Variants in ZFYVE16 observed in about 807,000 individuals in gnomAD.
The protein encoded by ZFYVE16 is zinc finger FYVE-type containing 16, also known as zinc finger FYVE domain-containing protein 16.
A neutral mutation model predicts 138.1 loss-of-function variants in ZFYVE16; 89 were observed. That is an observed-to-expected ratio of 0.64 (90% CI 0.54 to 0.77). The LOEUF is 0.77. Among genes scored for constraint, ZFYVE16 ranks in the 30% least tolerant of loss-of-function variants. The probability of loss-of-function intolerance (pLI) is 0.00; values close to 1 mark genes in which losing one functional copy is unlikely to be tolerated. For synonymous variants in ZFYVE16, 596 were observed against 618.3 expected (o/e 0.96, Z 0.53); for missense variants, 1,793 against 1,786.7 (o/e 1.00, Z -0.06).
chr5:80,407,640 G>A (rs1442418932), upstream of ZFYVE16, among the ~76,000 whole-genome samples: 2 of 152,248 alleles, frequency 1.3e-5, no homozygotes, highest in African/African-American at 4.8e-5. Flanking sequence ...AGCGCGGAGA[G>A]CAGGCCTAGC....
At chr5:80,429,458 C>T (rs1352794635) in intron 2 of ZFYVE16, among the ~76,000 whole-genome samples, 1 of 152,182 alleles carries the variant, frequency 6.6e-6, no homozygotes, top group Non-Finnish European at 1.5e-5. Flanking sequence ...GAGCACTAAA[C>T]ATGGAAAGGA....
chr5:80,436,226 G>A (rs918278654), intron 3 of ZFYVE16, among the ~76,000 whole-genome samples: 1 of 152,228 alleles, frequency 6.6e-6, no homozygotes, highest in African/African-American at 2.4e-5. Context: ...CGTGGCCATA[G>A]CGTGTGATGC....
intron 1 of ZFYVE16, among the ~76,000 whole-genome samples, chr5:80,409,098 T>G (rs772767683): frequency 6.6e-6 from 1 of 152,216 alleles, no homozygotes; most frequent in Non-Finnish European, 1.5e-5. Flanking sequence ...GTAATAGTAA[T>G]CAATTACTTA....
chr5:80,475,646 A>T (rs1270195862), intron 18 of ZFYVE16, among the ~76,000 whole-genome samples: 2 of 152,138 alleles, frequency 1.3e-5, no homozygotes, highest in African/African-American at 4.8e-5. Context: ...TGCTTCTTTA[A>T]TATATCTTAA....
rs1048049221 is a variant in ZFYVE16, at chr5:80,477,724, C to T, written c.*347C>T. ...ATGCCAATAATGATTTTAATGAAGG[C>T]TCTTTTCAGATGTAACCTTATGAAG... On this transcript the variant is annotated 3_prime_UTR_variant, in exon 19 of 19. Transcript: ENST00000505560. 1 of 162,552 alleles carries T rather than the reference C, an allele frequency of 6.2e-6. No individual in the cohort carries two copies. The highest frequency in any genetic ancestry group is 1.3e-5 in the Non-Finnish European group (1 of 75,404). The allele number at this position is 162,552 out of a possible 1,614,324, so 10.1% of individuals were successfully genotyped here. A position where few individuals can be genotyped will look rare whatever the true frequency, so the allele number is the denominator to read the frequency against.
chr5:80,434,765 TG>T (rs1431270245), intron 3 of ZFYVE16, among the ~76,000 whole-genome samples: 4 of 152,176 alleles, frequency 2.6e-5, no homozygotes, highest in African/African-American at 9.7e-5. Flanking sequence ...GTCATGTACT[TG>T]GCCCCAGAAA....
chr5:80,456,425 G>A, intron 12 of ZFYVE16, 36 bp from the exon 13 acceptor site: 1 of 1,445,414 alleles, frequency 6.9e-7, no homozygotes, highest in Non-Finnish European at 9.7e-7. Flanking sequence ...AATACTCATG[G>A]TTAGTAGTTT....
intron 1 of ZFYVE16, among the ~76,000 whole-genome samples, chr5:80,418,458 A>T (rs1232964740): frequency 6.6e-6 from 1 of 151,772 alleles, no homozygotes; most frequent in Non-Finnish European, 1.5e-5. Context: ...AACTATAGGT[A>T]TGCACCCCCA....
At chr5:80,409,184 A>T (rs988718702) in intron 1 of ZFYVE16, among the ~76,000 whole-genome samples, 4 of 151,926 alleles carry the variant, frequency 2.6e-5, no homozygotes, top group Non-Finnish European at 4.4e-5. Flanking sequence ...ATATCGTTGG[A>T]TTGTCTGCTT....
In ZFYVE16 at chr5:80,437,379, A is replaced by G. The variant is rs1750081749; in HGVS notation, c.694A>G (p.Ile232Val). The G allele has an allele frequency of 6.2e-7, 1 of 1,604,592 alleles. No homozygotes were observed. Among genetic ancestry groups the G allele is most frequent in the South Asian group, 1.1e-5 (1 of 89,920 alleles). ...SGTENLKDKK[I>V]FNQLESIVDF... ...AACAGAAAATTTAAAAGATAAAAAG[A>G]TCTTTAATCAGTTAGAATCAATTGT... The change falls in exon 4 of 19, where the codon ATC (isoleucine) becomes GTC (valine). Residue 232 changes from isoleucine to valine, a missense_variant. Ile to Val is a conservative substitution (Grantham distance 29, BLOSUM62 3). Around this residue, in one of 2 missense-constraint regions of ZFYVE16, gnomAD observed 1,295 missense variants for 1,204.3 expected, o/e 1.08. Coordinates refer to ENST00000505560, the MANE Select transcript of ZFYVE16 (RefSeq NM_001284236.3).
intron 1 of ZFYVE16, among the ~76,000 whole-genome samples, chr5:80,415,859 G>C (rs1001341736): frequency 4.6e-5 from 7 of 151,974 alleles, no homozygotes. Flanking sequence ...GTAGAGACGG[G>C]GTTTCGCCAT....
At chr5:80,431,881 G>T (rs187818338) in intron 2 of ZFYVE16, among the ~76,000 whole-genome samples, 4,348 of 152,128 alleles carry the variant, frequency 0.029, 73 homozygotes, top group South Asian at 0.046. Flanking sequence ...TTACAAGGGA[G>T]GTGAAGGACC....
At position 80,449,608 on chromosome 5, in the gene ZFYVE16, C is replaced by T. The variant is rs1363632519; in HGVS notation, c.3121C>T (p.His1041Tyr). ...TCATTTAGTGCCTGTAGTAGAAGAA[C>T]ATCCATCTCATGAGCAGATCATTTT... ...EKGSVPVVEE[H>Y]PSHEQIILLL... Residue 1041 changes from histidine (H) to tyrosine (Y), a missense_variant, in exon 9 of 19, where the codon CAT becomes TAT. Transcript: ENST00000505560. 4.4e-6 allele frequency: 7 copies of T among 1,608,390 alleles called. No homozygotes were observed. The highest frequency in any genetic ancestry group is 3.4e-5 in the Admixed American group (2 of 58,792).
At chr5:80,465,594 A>C (rs1753666144) in intron 15 of ZFYVE16, among the ~76,000 whole-genome samples, 1 of 151,146 alleles carries the variant, frequency 6.6e-6, no homozygotes, top group Admixed American at 6.6e-5. Flanking sequence ...TTTTTTGTAG[A>C]GACAGGGTCT....
rs1755311347 is a variant in ZFYVE16 at position 80,482,602 on chromosome 5, G to C, written c.*5225G>C. 1 of 152,078 alleles carries C rather than the reference G, an allele frequency of 6.6e-6. No individual in the cohort carries two copies. The highest frequency in any genetic ancestry group is 1.5e-5 in the Non-Finnish European group (1 of 68,004). 9.4% of individuals were successfully genotyped at this position (152,078 alleles called of 1,614,324 possible). A position where few individuals can be genotyped will look rare whatever the true frequency, so the allele number is the denominator to read the frequency against. ...CTGCTGGCACAGCAAATCCCAAAAA[G>C]GAAAACCACACCCAGGCACGTCATA... On this transcript the variant is annotated 3_prime_UTR_variant, in exon 19 of 19. Coordinates refer to ENST00000505560, the MANE Select transcript of ZFYVE16 (RefSeq NM_001284236.3).
At chr5:80,467,569 G>A (rs1753870972) in intron 15 of ZFYVE16, among the ~76,000 whole-genome samples, 1 of 152,170 alleles carries the variant, frequency 6.6e-6, no homozygotes, top group Non-Finnish European at 1.5e-5. Flanking sequence ...GTATGACAAA[G>A]AATGCAGATT....
chr5:80,419,641 T>A (rs1053280714), intron 1 of ZFYVE16, among the ~76,000 whole-genome samples: 2 of 151,892 alleles, frequency 1.3e-5, no homozygotes, highest in Non-Finnish European at 2.9e-5. Context: ...CCTCCCAGAG[T>A]GCTGGGATTA....
intron 1 of ZFYVE16, among the ~76,000 whole-genome samples, chr5:80,414,043 A>G (rs989184004): frequency 3.9e-5 from 6 of 152,210 alleles, no homozygotes; most frequent in Admixed American, 1.3e-4. Context: ...TATTGTATGT[A>G]GCTGAACAAG....
chr5:80,415,945 C>T (rs1580082126), intron 1 of ZFYVE16, among the ~76,000 whole-genome samples: 1 of 152,138 alleles, frequency 6.6e-6, no homozygotes, highest in Admixed American at 6.5e-5. Context: ...GGATTACAGG[C>T]GAGAGCCACC....
Sources: gnomAD v4.1 joint callset for allele counts (sites outside exome capture counted in the v4.1 genomes callset) on GRCh38, gnomAD v4.1.1 for gene constraint, gnomAD v4.1.1 regional missense constraint, MANE v1.5 for transcripts, NCBI Gene and HGNC (gene_info 2026-07-23, HGNC 2026-07-21) for gene names.